The following PCSK5 variants were observed in gnomAD, a reference collection of about 807,000 sequenced individuals.
PCSK5 encodes the protein proprotein convertase subtilisin/kexin type 5.
A neutral mutation model predicts 233.2 loss-of-function variants in PCSK5; 129 were observed. The ratio of observed to expected loss-of-function variants is 0.55; its 90% CI spans 0.48 to 0.64. The LOEUF (loss-of-function observed/expected upper bound fraction) is 0.64, where lower values mean the gene tolerates loss of function less well. Among genes scored for constraint, PCSK5 ranks in the 30% least tolerant of loss-of-function variants. PCSK5 has a pLI of 0.00. For synonymous variants in PCSK5, 825 were observed against 879.2 expected, an observed-to-expected ratio of 0.94 and a Z score of 1.09; for missense variants, 2,076 against 2,430.1, an observed-to-expected ratio of 0.85 and a Z score of 3.06.
intron 11 of PCSK5, among the ~76,000 whole-genome samples, chr9:76,158,418 CA>C (rs539782565): frequency 1.3e-5 from 2 of 152,098 alleles, no homozygotes; most frequent in Non-Finnish European, 2.9e-5. Context: ...AACCTGATGC[CA>C]TTGTGGCTGC....
intron 2 of PCSK5, among the ~76,000 whole-genome samples, chr9:75,963,639 G>A (rs933164948): frequency 2.6e-5 from 4 of 152,214 alleles, no homozygotes; most frequent in African/African-American, 7.2e-5. Context: ...CCAGCACTTC[G>A]GGAGGCCGAG....
At chr9:75,956,055 C>T (rs893217946) in intron 2 of PCSK5, among the ~76,000 whole-genome samples, 5 of 152,216 alleles carry the variant, frequency 3.3e-5, no homozygotes, top group African/African-American at 1.2e-4. Context: ...CTTGTAACCA[C>T]TACACTATAT....
intron 5 of PCSK5, among the ~76,000 whole-genome samples, chr9:76,031,473 A>G (rs907315582): frequency 2.6e-5 from 4 of 152,182 alleles, no homozygotes; most frequent in Non-Finnish European, 4.4e-5. Context: ...GGATCACTTG[A>G]GTCCAGGAGA....
At chr9:75,944,184 A>G (rs10746984) in intron 2 of PCSK5, among the ~76,000 whole-genome samples, 1 of 149,472 alleles carries the variant, frequency 6.7e-6, no homozygotes, top group South Asian at 2.1e-4. Flanking sequence ...AAAGAAAAAA[A>G]ATATATATAT....
intron 12 of PCSK5, 67 bp from the exon 13 acceptor site, chr9:76,169,637 T>C: frequency 6.7e-7 from 1 of 1,496,648 alleles, no homozygotes. Flanking sequence ...CAGTGTCGAT[T>C]GTGGTATTAA....
chr9:75,997,278 C>T (rs749281630), intron 3 of PCSK5, among the ~76,000 whole-genome samples: 4 of 152,084 alleles, frequency 2.6e-5, no homozygotes, highest in Admixed American at 2.0e-4. Flanking sequence ...GCTTCTTTTT[C>T]TTAATTTTGG....
intron 1 of PCSK5, among the ~76,000 whole-genome samples, chr9:75,908,352 T>C (rs1417320956): frequency 6.6e-6 from 1 of 152,202 alleles, no homozygotes; most frequent in African/African-American, 2.4e-5. Flanking sequence ...AAAGCTGAGC[T>C]TTCTCATGGG....
At chr9:76,262,730 G>A (rs1194327788) in intron 24 of PCSK5, among the ~76,000 whole-genome samples, 1 of 150,902 alleles carries the variant, frequency 6.6e-6, no homozygotes, top group Non-Finnish European at 1.5e-5. Context: ...AGGACTTCAT[G>A]TCTAAAACAC....
At chr9:75,960,739 G>C (rs1825316402) in intron 2 of PCSK5, among the ~76,000 whole-genome samples, 1 of 152,222 alleles carries the variant, frequency 6.6e-6, no homozygotes, top group East Asian at 1.9e-4. Context: ...ATTAACATTC[G>C]ACAGCTGTTT....
chr9:76,327,938 AG>A, intron 32 of PCSK5, 70 bp from the exon 33 acceptor site: 2 of 913,562 alleles, frequency 2.2e-6, no homozygotes, highest in Non-Finnish European at 3.7e-6. Flanking sequence ...ACCCTTTCCC[AG>A]GGGAAGCCAT....
At chr9:75,917,191 A>G (rs971752860) in intron 1 of PCSK5, among the ~76,000 whole-genome samples, 16 of 145,706 alleles carry the variant, frequency 1.1e-4, no homozygotes, top group African/African-American at 3.8e-4. Flanking sequence ...AAAAAAAAAG[A>G]TGGGAAAAGC....
intron 7 of PCSK5, among the ~76,000 whole-genome samples, chr9:76,072,737 G>A (rs530346020): frequency 6.6e-5 from 10 of 152,180 alleles, no homozygotes; most frequent in South Asian, 2.1e-4. Context: ...AGCACAGAAC[G>A]CTTTCCTTGT....
intron 28 of PCSK5, among the ~76,000 whole-genome samples, chr9:76,303,436 T>C (rs551887606): frequency 6.6e-6 from 1 of 152,338 alleles, no homozygotes; most frequent in African/African-American, 2.4e-5. Flanking sequence ...TTTGTAGATA[T>C]AGACATTAAA....
rs568945093 is a variant in PCSK5, at chr9:76,318,119, C to T, written c.3885-3303C>T. The stretch of plus-strand genomic sequence containing the variant: ...TTCCGCGAGTTCCAGCTCTTCCATT[C>T]AGCTTTTCCCACCAAAGAAACCTCA... On this transcript the variant is annotated intron_variant, in intron 30 of 37. Transcript: ENST00000674117. 5.3e-5 allele frequency among the ~76,000 whole-genome samples: 8 copies of T among 152,302 alleles called. No individual in the cohort carries two copies. In the East Asian group the frequency reaches 1.5e-3, roughly 29 times the overall value.
intron 1 of PCSK5, among the ~76,000 whole-genome samples, chr9:75,920,166 G>C (rs948292066): frequency 1.4e-4 from 22 of 152,182 alleles, no homozygotes; most frequent in African/African-American, 5.3e-4. Context: ...TCAAAAAAAA[G>C]AAACATCTCT....
chr9:75,995,739 A>G (rs550248620), intron 3 of PCSK5, among the ~76,000 whole-genome samples: 2,701 of 114,060 alleles, frequency 0.024, 40 homozygotes, highest in Middle Eastern at 0.029. Context: ...AACAGGATTC[A>G]TTCATACACA....
chr9:75,984,112 G>T (rs2131388884), intron 2 of PCSK5, among the ~76,000 whole-genome samples: 1 of 152,238 alleles, frequency 6.6e-6, no homozygotes, highest in Middle Eastern at 3.4e-3. Flanking sequence ...AAGCATTTTT[G>T]TTTGGTAAAA....
At chr9:75,980,647 C>T in intron 2 of PCSK5, among the ~76,000 whole-genome samples, 1 of 151,864 alleles carries the variant, frequency 6.6e-6, no homozygotes, top group East Asian at 1.9e-4. Context: ...ATAACAATGC[C>T]AATATTTAAA....
chr9:76,189,151 G>A lies in PCSK5; in HGVS notation c.2438G>A (p.Arg813Lys), dbSNP rs1418948656. Residue 813 changes from arginine to lysine, a missense_variant, in exon 19 of 38, where the codon AGA (arginine) becomes AAA (lysine). Physicochemically the swap from Arg to Lys is conservative, Grantham distance 26. Around this residue, in one of 6 missense-constraint regions of PCSK5, gnomAD observed 1,510 missense variants for 1,538.1 expected, o/e 0.98. Coordinates refer to ENST00000674117, the MANE Select transcript of PCSK5 (RefSeq NM_001372043.1). ...GAGGGCTACTTCATGGAGGATGGGA[G>A]ATGCGTGCAGAGCTGTAGTATCAGC... Reference protein sequence around the residue: ...CTEGYFMEDGRCVQSCSISYY... With the variant: ...CTEGYFMEDGKCVQSCSISYY... 1.2e-6 allele frequency: 2 copies of A among 1,612,286 alleles called. No individual in the cohort carries two copies. Among genetic ancestry groups the A allele is most frequent in the African/African-American group, 1.3e-5 (1 of 74,906 alleles).
Sources: allele counts gnomAD v4.1 joint callset (sites outside exome capture counted in the v4.1 genomes callset), GRCh38; gene constraint gnomAD v4.1.1; regional missense constraint gnomAD v4.1.1; transcripts MANE v1.5; gene names NCBI Gene and HGNC (gene_info 2026-07-23, HGNC 2026-07-21).